Variants in SLC24A2 observed in about 807,000 individuals in gnomAD.
SLC24A2 encodes the protein sodium/potassium/calcium exchanger 2.
SLC24A2 carries 36 observed loss-of-function variants against 62.0 expected under a neutral mutation model. The observed-to-expected ratio is 0.58, with a 90% CI of 0.44 to 0.77. The LOEUF is 0.77. SLC24A2 is among the 30% of genes least tolerant of loss of function. The pLI, the probability that SLC24A2 is intolerant of heterozygous loss-of-function variation, is 0.00. For synonymous variants in SLC24A2, 358 were observed against 294.0 expected, an observed-to-expected ratio of 1.22 and a Z score of -2.23; for missense variants, 846 against 817.9, an observed-to-expected ratio of 1.03 and a Z score of -0.42.
At chr9:19,814,412 C>T in the SLC24A2 span, among the ~76,000 whole-genome samples, 33 of 152,196 alleles carry the variant, frequency 2.2e-4, no homozygotes, top group South Asian at 5.4e-3. Context: ...CTCTGACTTA[C>T]GAGAGCTCAT....
intron 2 of SLC24A2, among the ~76,000 whole-genome samples, chr9:19,644,280 T>C (rs1720941653): frequency 6.6e-6 from 1 of 152,234 alleles, no homozygotes; most frequent in African/African-American, 2.4e-5. Context: ...GTCCAATTCA[T>C]GTGAATGCAG....
At chr9:19,912,226 C>G in the SLC24A2 span, among the ~76,000 whole-genome samples, 1 of 151,982 alleles carries the variant, frequency 6.6e-6, no homozygotes, top group African/African-American at 2.4e-5. Flanking sequence ...GGAAAGGAGA[C>G]CTTAGGGATC....
the SLC24A2 span, among the ~76,000 whole-genome samples, chr9:19,832,152 C>G: frequency 6.6e-6 from 1 of 152,182 alleles, no homozygotes; most frequent in Non-Finnish European, 1.5e-5. Context: ...TAGGCAGAAT[C>G]TAATTGCCTC....
At chr9:20,128,960 A>C in the SLC24A2 span, among the ~76,000 whole-genome samples, 1 of 152,114 alleles carries the variant, frequency 6.6e-6, no homozygotes, top group Non-Finnish European at 1.5e-5. Flanking sequence ...AAAAGTAAAA[A>C]CTTCTGTGCA....
At chr9:20,112,271 T>G in the SLC24A2 span, among the ~76,000 whole-genome samples, 8 of 152,170 alleles carry the variant, frequency 5.3e-5, no homozygotes, top group African/African-American at 1.9e-4. Context: ...CTCGATAATT[T>G]TCGACACTTG....
At chr9:20,054,340 C>G in the SLC24A2 span, among the ~76,000 whole-genome samples, 3 of 151,980 alleles carry the variant, frequency 2.0e-5, no homozygotes, top group Non-Finnish European at 2.9e-5. Context: ...TGCAGGCACC[C>G]GCCACCACAC....
chr9:19,859,293 A>C, the SLC24A2 span, among the ~76,000 whole-genome samples: 1 of 152,166 alleles, frequency 6.6e-6, no homozygotes, highest in Non-Finnish European at 1.5e-5. Flanking sequence ...AGGACCTAAC[A>C]ATGAGGACAC....
At chr9:20,140,303 G>A in the SLC24A2 span, among the ~76,000 whole-genome samples, 1 of 152,100 alleles carries the variant, frequency 6.6e-6, no homozygotes, top group Admixed American at 6.6e-5. Flanking sequence ...ATGCATTTTT[G>A]TTCAAAACCT....
At chr9:20,022,348 T>A in the SLC24A2 span, among the ~76,000 whole-genome samples, 1 of 152,210 alleles carries the variant, frequency 6.6e-6, no homozygotes, top group Non-Finnish European at 1.5e-5. Flanking sequence ...GATATTTATT[T>A]AAACCATATA....
At chr9:20,278,100 G>A in the SLC24A2 span, among the ~76,000 whole-genome samples, 4 of 151,740 alleles carry the variant, frequency 2.6e-5, no homozygotes, top group East Asian at 4.1e-4. Flanking sequence ...GTTGGGGGAG[G>A]GGGAGGGATA....
At chr9:20,089,682 C>G in the SLC24A2 span, among the ~76,000 whole-genome samples, 2 of 149,704 alleles carry the variant, frequency 1.3e-5, no homozygotes, top group Non-Finnish European at 3.0e-5. Context: ...ATCTGACAGC[C>G]CCCCCGCCAC....
rs946839852 is a variant in SLC24A2, at chr9:19,511,858, T to A, written c.*4295A>T. 11 of 152,226 alleles carry A rather than the reference T, an allele frequency of 7.2e-5. No homozygotes were observed. The highest frequency in any genetic ancestry group is 2.7e-4 in the African/African-American group (11 of 41,446). 9.4% of individuals were successfully genotyped at this position (152,226 alleles called of 1,614,324 possible). ...GGTGCAAGGAGGCATAGCATCCACATAATCTCGCGTGTGTGTGGGGGTGTG... is the reference window on the plus strand; with the variant it reads ...GGTGCAAGGAGGCATAGCATCCACAAAATCTCGCGTGTGTGTGGGGGTGTG... On this transcript the variant is annotated 3_prime_UTR_variant, in exon 11 of 11. Transcript: ENST00000341998.
the SLC24A2 span, among the ~76,000 whole-genome samples, chr9:19,982,590 G>A: frequency 4.6e-5 from 7 of 152,124 alleles, no homozygotes; most frequent in Non-Finnish European, 8.8e-5. Context: ...CTTCACTGGC[G>A]AATTCTACCA....
At chr9:20,061,305 G>A in the SLC24A2 span, among the ~76,000 whole-genome samples, 2 of 149,296 alleles carry the variant, frequency 1.3e-5, no homozygotes, top group Non-Finnish European at 3.0e-5. Context: ...TTTTTTTTGA[G>A]ACAGAGTCTC....
At chr9:20,272,141 C>A in the SLC24A2 span, among the ~76,000 whole-genome samples, 1 of 152,170 alleles carries the variant, frequency 6.6e-6, no homozygotes, top group African/African-American at 2.4e-5. Flanking sequence ...GGCTGACTTG[C>A]ATAATTCGTA....
At chr9:19,590,552 C>G (rs1026788944) in intron 5 of SLC24A2, among the ~76,000 whole-genome samples, 35 of 152,166 alleles carry the variant, frequency 2.3e-4, no homozygotes, top group African/African-American at 8.4e-4. Flanking sequence ...CCCCTTCTAC[C>G]CAAGCGGACT....
the SLC24A2 span, among the ~76,000 whole-genome samples, chr9:20,180,888 T>C: frequency 6.6e-6 from 1 of 152,196 alleles, no homozygotes; most frequent in African/African-American, 2.4e-5. Flanking sequence ...GAGCTGTTTC[T>C]TCCCCGTTTC....
At chr9:19,677,675 GCAT>G (rs796499002) in intron 2 of SLC24A2, among the ~76,000 whole-genome samples, 12 of 151,786 alleles carry the variant, frequency 7.9e-5, no homozygotes, top group African/African-American at 2.9e-4. Context: ...TAAACATTCT[GCAT>G]CATATTTTAA....
the SLC24A2 span, among the ~76,000 whole-genome samples, chr9:19,913,786 AT>A: frequency 6.6e-6 from 1 of 152,142 alleles, no homozygotes. Context: ...ACAAATCTAC[AT>A]TTGAATGCCT....
Sources: allele counts gnomAD v4.1 joint callset (sites outside exome capture counted in the v4.1 genomes callset), GRCh38; gene constraint gnomAD v4.1.1; transcripts MANE v1.5; gene names NCBI Gene and HGNC (gene_info 2026-07-23, HGNC 2026-07-21).